The following NPAS3 variants were observed in gnomAD, a reference collection of about 807,000 sequenced individuals.
NPAS3 encodes the protein neuronal PAS domain protein 3, also known as neuronal PAS domain-containing protein 3.
In NPAS3, 14 loss-of-function variants were observed where a neutral mutation model predicts 73.1. That is an observed-to-expected ratio of 0.19 (90% confidence interval 0.13 to 0.30). The LOEUF is 0.30. Among genes scored for constraint, NPAS3 ranks in the 10% least tolerant of loss-of-function variants. NPAS3 has a pLI of 1.00. For synonymous variants in NPAS3, 620 were observed against 541.5 expected (o/e 1.14, Z -2.01); for missense variants, 1,096 against 1,250.0 (o/e 0.88, Z 1.86).
At chr14:33,493,070 A>T (rs896708786) in intron 4 of NPAS3, among the ~76,000 whole-genome samples, 11 of 152,150 alleles carry the variant, frequency 7.2e-5, no homozygotes, top group African/African-American at 2.4e-4. Context: ...TTACATTCTC[A>T]CTGCGTGAGC....
intron 3 of NPAS3, among the ~76,000 whole-genome samples, chr14:33,247,801 A>G (rs2048444580): frequency 6.6e-6 from 1 of 152,230 alleles, no homozygotes. Flanking sequence ...TTTATTTTTT[A>G]GAAATCATCC....
intron 7 of NPAS3, among the ~76,000 whole-genome samples, chr14:33,741,501 T>A (rs754858552): frequency 7.2e-5 from 11 of 152,206 alleles, no homozygotes; most frequent in East Asian, 1.9e-4. Flanking sequence ...TCAAATTTTT[T>A]AAATCCTTTT....
In NPAS3 at chr14:33,273,614, T is replaced by C. The variant is rs564968288; in HGVS notation, c.385+58188T>C. 3.9e-5 allele frequency among the ~76,000 whole-genome samples: 6 copies of C among 152,286 alleles called. No individual in the cohort carries two copies. The East Asian group carries it at 5.8e-4, about 15-fold the overall frequency. ...TCTGATTCAGAAACTAAATCTGTAG[T>C]CAAACCAAATAGTTTAGACAAAGGT... On this transcript the variant is annotated intron_variant, in intron 3 of 11. Coordinates refer to ENST00000356141, the Ensembl canonical transcript of NPAS3.
intron 4 of NPAS3, among the ~76,000 whole-genome samples, chr14:33,491,651 G>C (rs1190750428): frequency 1.3e-5 from 2 of 152,128 alleles, no homozygotes; most frequent in Non-Finnish European, 2.9e-5. Flanking sequence ...ATACTGAGTT[G>C]TTTGGTTCAC....
At chr14:33,383,111 A>T (rs1301121388) in intron 4 of NPAS3, among the ~76,000 whole-genome samples, 1 of 151,752 alleles carries the variant, frequency 6.6e-6, no homozygotes, top group Non-Finnish European at 1.5e-5. Context: ...AAAAAAAAAA[A>T]AATCACCTTT....
At chr14:33,261,157 C>T (rs757125822) in intron 3 of NPAS3, among the ~76,000 whole-genome samples, 19 of 152,074 alleles carry the variant, frequency 1.2e-4, no homozygotes, top group Non-Finnish European at 2.5e-4. Flanking sequence ...CTTCAGTGAA[C>T]GTTTTGTCTG....
At chr14:33,731,456 A>G (rs1338016315) in intron 6 of NPAS3, among the ~76,000 whole-genome samples, 1 of 151,766 alleles carries the variant, frequency 6.6e-6, no homozygotes, top group Non-Finnish European at 1.5e-5. Flanking sequence ...AGAGAAAGAA[A>G]AAAAGGCCCT....
chr14:33,508,334 A>T (rs10131324), intron 4 of NPAS3, among the ~76,000 whole-genome samples: 111 of 151,982 alleles, frequency 7.3e-4, no homozygotes, highest in Non-Finnish European at 1.3e-3. Flanking sequence ...CAAATGCCTG[A>T]AGAGGTGAAG....
chr14:33,253,907 C>G (rs940171525), intron 3 of NPAS3, among the ~76,000 whole-genome samples: 1 of 152,042 alleles, frequency 6.6e-6, no homozygotes, highest in African/African-American at 2.4e-5. Flanking sequence ...GGATGCTGAA[C>G]TCAGTATCAT....
At chr14:33,655,763 G>A (rs1326878094) in intron 5 of NPAS3, among the ~76,000 whole-genome samples, 1 of 151,996 alleles carries the variant, frequency 6.6e-6, no homozygotes, top group Non-Finnish European at 1.5e-5. Flanking sequence ...TTTTTGAAGA[G>A]TACAAGACTG....
chr14:33,081,899 C>T (rs752970181), intron 2 of NPAS3, among the ~76,000 whole-genome samples: 2 of 152,168 alleles, frequency 1.3e-5, no homozygotes, highest in Non-Finnish European at 2.9e-5. Flanking sequence ...ATGCCCTGGA[C>T]GGCAAACTAA....
chr14:33,738,945 G>T (rs534573771), intron 7 of NPAS3, among the ~76,000 whole-genome samples: 1 of 152,144 alleles, frequency 6.6e-6, no homozygotes, highest in Non-Finnish European at 1.5e-5. Flanking sequence ...TAATTGGGTC[G>T]CCTCCTTAGC....
chr14:33,737,252 G>A (rs750988857), intron 7 of NPAS3, among the ~76,000 whole-genome samples: 3 of 152,068 alleles, frequency 2.0e-5, no homozygotes, highest in Non-Finnish European at 4.4e-5. Context: ...CTGAGGAGGC[G>A]GGATGTCACC....
At chr14:33,416,109 C>T (rs771476267) in intron 4 of NPAS3, among the ~76,000 whole-genome samples, 2 of 152,064 alleles carry the variant, frequency 1.3e-5, no homozygotes, top group Non-Finnish European at 2.9e-5. Flanking sequence ...TTGTACACAT[C>T]AAGCATACAA....
intron 3 of NPAS3, among the ~76,000 whole-genome samples, chr14:33,276,110 G>A (rs1331153791): frequency 6.6e-6 from 1 of 152,130 alleles, no homozygotes; most frequent in Non-Finnish European, 1.5e-5. Flanking sequence ...CTGTGTGCAT[G>A]ACCACATCAC....
intron 5 of NPAS3, among the ~76,000 whole-genome samples, chr14:33,665,157 C>A (rs2059418186): frequency 6.6e-6 from 1 of 152,160 alleles, no homozygotes; most frequent in South Asian, 2.1e-4. Flanking sequence ...CACATATGCA[C>A]CATGGAATAC....
chr14:33,284,121 C>T (rs1432484744), intron 3 of NPAS3, among the ~76,000 whole-genome samples: 7 of 152,018 alleles, frequency 4.6e-5, no homozygotes, highest in African/African-American at 1.4e-4. Context: ...CAGAATAAAG[C>T]GTAGTATTAA....
At chr14:33,596,307 T>C (rs2057240747) in intron 5 of NPAS3, among the ~76,000 whole-genome samples, 1 of 152,242 alleles carries the variant, frequency 6.6e-6, no homozygotes, top group African/African-American at 2.4e-5. Flanking sequence ...GTTTCAAAGC[T>C]AAGAATATGT....
In NPAS3 at chr14:33,335,030, T is replaced by TTGTG. The variant is rs777068522; in HGVS notation, c.386-32147_386-32144dup. ...CTTGCTATGGCTTAGTGGTATTCCA[T>TTGTG]TGTGTGTGTGTGCGTGTGTGTGTGT... On this transcript the variant is annotated intron_variant, in intron 3 of 11. Transcript: ENST00000356141. Among the ~76,000 whole-genome samples, 323 of 144,258 alleles carry TTGTG rather than the reference T, an allele frequency of 2.2e-3. 6 individuals carry two copies. The highest frequency in any genetic ancestry group is 7.2e-3 in the African/African-American group (270 of 37,570). The allele number at this position is 144,258 out of a possible 152,430, so 94.6% of individuals were successfully genotyped here.
Sources: gnomAD v4.1 joint callset for allele counts (sites outside exome capture counted in the v4.1 genomes callset) on GRCh38, gnomAD v4.1.1 for gene constraint, MANE v1.5 for transcripts, NCBI Gene and HGNC (gene_info 2026-07-23, HGNC 2026-07-21) for gene names.